Variants in CPA6 observed in about 807,000 individuals in gnomAD.
CPA6 encodes the protein carboxypeptidase B.
In CPA6, 58 loss-of-function variants were observed where a neutral mutation model predicts 63.3. That is an observed-to-expected ratio of 0.92 (90% CI 0.74 to 1.14). The LOEUF (loss-of-function observed/expected upper bound fraction) is 1.14. CPA6 is among the 50% of genes most tolerant of loss of function. The pLI is 0.00. For missense variants in CPA6, 565 were observed against 526.6 expected (o/e 1.07, Z -0.71); for synonymous variants, 185 against 179.0 (o/e 1.03, Z -0.27).
At chr8:67,461,797 G>C (rs1438929165) in intron 8 of CPA6, among the ~76,000 whole-genome samples, 3 of 152,082 alleles carry the variant, frequency 2.0e-5, no homozygotes, top group Non-Finnish European at 2.9e-5. Flanking sequence ...TCCCGGACGG[G>C]GCGGCTGGCC....
chr8:67,557,251 A>G (rs186143357), intron 2 of CPA6, among the ~76,000 whole-genome samples: 43 of 152,300 alleles, frequency 2.8e-4, no homozygotes, highest in Admixed American at 1.0e-3. Context: ...TTCTCAATAT[A>G]AAGGAAACTG....
At chr8:67,538,512 G>GTTTT (rs139665944) in intron 2 of CPA6, among the ~76,000 whole-genome samples, 24 of 90,762 alleles carry the variant, frequency 2.6e-4, no homozygotes, top group East Asian at 3.6e-4. Flanking sequence ...TGCAACCCCT[G>GTTTT]TTTTTTTTTT....
chr8:67,682,979 G>C lies in CPA6; in HGVS notation c.117-58728C>G, dbSNP rs532901655. Among the ~76,000 whole-genome samples the C allele has an allele frequency of 2.1e-3, 324 of 152,328 alleles. 3 individuals are homozygous for C. Among genetic ancestry groups the C allele is most frequent in the African/African-American group, 7.2e-3 (301 of 41,574 alleles). The stretch of plus-strand genomic sequence containing the variant: ...CTGGGTGATCCCCTGCAGATCTGCA[G>C]AATATTCTTTGTCTTCTTGTACTCT... On this transcript the variant is annotated intron_variant, in intron 1 of 10. Transcript: ENST00000297770.
intron 1 of CPA6, among the ~76,000 whole-genome samples, chr8:67,739,933 T>C (rs1045644038): frequency 2.0e-5 from 3 of 152,196 alleles, no homozygotes; most frequent in Non-Finnish European, 4.4e-5. Flanking sequence ...AAGTCTTATA[T>C]GTGGCTGGTG....
chr8:67,454,100 G>A (rs889710025), intron 8 of CPA6, among the ~76,000 whole-genome samples: 2 of 152,328 alleles, frequency 1.3e-5, no homozygotes, highest in South Asian at 2.1e-4. Context: ...GTTTATTTCT[G>A]AAATGTTGCC....
intron 2 of CPA6, among the ~76,000 whole-genome samples, chr8:67,518,393 T>C (rs992446566): frequency 6.6e-6 from 1 of 152,196 alleles, no homozygotes; most frequent in African/African-American, 2.4e-5. Flanking sequence ...GAAAAAAAGA[T>C]ATAAATCACC....
At chr8:67,700,073 G>A (rs1458492386) in intron 1 of CPA6, among the ~76,000 whole-genome samples, 2 of 152,090 alleles carry the variant, frequency 1.3e-5, no homozygotes, top group Non-Finnish European at 2.9e-5. Flanking sequence ...TCATATAATC[G>A]TGAGGTTTAT....
At chr8:67,424,180 C>G (rs945513900) in intron 10 of CPA6, among the ~76,000 whole-genome samples, 1 of 152,092 alleles carries the variant, frequency 6.6e-6, no homozygotes, top group Admixed American at 6.5e-5. Flanking sequence ...ACTCAGGGCT[C>G]CCAGTGATTC....
intron 10 of CPA6, among the ~76,000 whole-genome samples, chr8:67,423,811 A>G (rs1191077481): frequency 2.0e-5 from 3 of 152,128 alleles, no homozygotes; most frequent in African/African-American, 7.2e-5. Context: ...ACTACTCTAG[A>G]TCAGGGGTCC....
At chr8:67,602,700 T>C (rs1313678666) in intron 2 of CPA6, among the ~76,000 whole-genome samples, 3 of 152,156 alleles carry the variant, frequency 2.0e-5, no homozygotes, top group Non-Finnish European at 4.4e-5. Flanking sequence ...GGAACACAAC[T>C]GCTGAACTTG....
chr8:67,627,012 C>T (rs1397329147), intron 1 of CPA6, among the ~76,000 whole-genome samples: 1 of 152,034 alleles, frequency 6.6e-6, no homozygotes, highest in Non-Finnish European at 1.5e-5. Context: ...ATTTTTGTTA[C>T]AAAAAGTTCA....
chr8:67,454,383 T>C (rs1359780856), intron 8 of CPA6, among the ~76,000 whole-genome samples: 1 of 152,204 alleles, frequency 6.6e-6, no homozygotes, highest in East Asian at 1.9e-4. Context: ...GATCTGGCCT[T>C]AGTTATGTAG....
intron 2 of CPA6, among the ~76,000 whole-genome samples, chr8:67,610,789 A>T (rs192952557): frequency 6.6e-6 from 1 of 152,284 alleles, no homozygotes; most frequent in East Asian, 1.9e-4. Flanking sequence ...GAGCTTGATA[A>T]AGATTTCAGG....
chr8:67,459,094 A>G (rs1810741372), intron 8 of CPA6, among the ~76,000 whole-genome samples: 1 of 152,238 alleles, frequency 6.6e-6, no homozygotes, highest in Non-Finnish European at 1.5e-5. Flanking sequence ...ACATGGACAC[A>G]TGGATGTTTA....
At chr8:67,481,378 T>A (rs1811357021) in intron 8 of CPA6, among the ~76,000 whole-genome samples, 1 of 152,176 alleles carries the variant, frequency 6.6e-6, no homozygotes, top group Non-Finnish European at 1.5e-5. Flanking sequence ...ACTTGTCGAG[T>A]CCTTCTGGGG....
At chr8:67,567,273 A>G (rs1813360981) in intron 2 of CPA6, among the ~76,000 whole-genome samples, 1 of 152,236 alleles carries the variant, frequency 6.6e-6, no homozygotes, top group Admixed American at 6.5e-5. Flanking sequence ...TGAGACCTGA[A>G]GTTCATGCAG....
intron 2 of CPA6, among the ~76,000 whole-genome samples, chr8:67,549,373 T>C (rs1275189519): frequency 1.3e-5 from 2 of 152,150 alleles, no homozygotes; most frequent in African/African-American, 2.4e-5. Context: ...TGAGGTATGA[T>C]TGACATATAA....
At chr8:67,514,159 T>C (rs1237269412) in intron 3 of CPA6, among the ~76,000 whole-genome samples, 5 of 152,104 alleles carry the variant, frequency 3.3e-5, no homozygotes, top group Admixed American at 2.6e-4. Flanking sequence ...GGTTTCACCA[T>C]GTTGGCCAAG....
intron 2 of CPA6, among the ~76,000 whole-genome samples, chr8:67,581,006 T>A (rs913801857): frequency 6.6e-6 from 1 of 151,790 alleles, no homozygotes; most frequent in African/African-American, 2.4e-5. Flanking sequence ...CACTCCCGAG[T>A]GGGATGATGA....
Sources: allele counts gnomAD v4.1 joint callset (sites outside exome capture counted in the v4.1 genomes callset), GRCh38; gene constraint gnomAD v4.1.1; transcripts MANE v1.5; gene names NCBI Gene and HGNC (gene_info 2026-07-23, HGNC 2026-07-21).